The following UGT1A9 variants were observed in gnomAD, a reference collection of about 807,000 sequenced individuals.
UGT1A9 encodes the protein UDP-glucuronosyltransferase 1A9.
Under a neutral mutation model 45.0 loss-of-function variants are expected in UGT1A9, and 35 were observed. The ratio of observed to expected loss-of-function variants is 0.78; its 90% CI spans 0.59 to 1.03. The LOEUF (loss-of-function observed/expected upper bound fraction) is 1.03. Ranked by LOEUF, UGT1A9 falls within the 50% of genes least tolerant of loss-of-function variation. The pLI is 0.00. For synonymous variants in UGT1A9, 278 were observed against 250.6 expected (o/e 1.11, Z -1.03); for missense variants, 687 against 666.6 (o/e 1.03, Z -0.34).
intron 1 of UGT1A9, chr2:233,729,704 A>T (rs759605345): frequency 1.2e-6 from 2 of 1,613,894 alleles, no homozygotes; most frequent in Non-Finnish European, 1.7e-6. Context: ...CCTTCCTCCT[A>T]TATTCCTAGA....
intron 1 of UGT1A9, chr2:233,693,767 T>G: frequency 6.2e-7 from 1 of 1,614,246 alleles, no homozygotes; most frequent in Non-Finnish European, 8.5e-7. Context: ...TGTTTGGCTG[T>G]TAAGATATGA....
intron 1 of UGT1A9, among the ~76,000 whole-genome samples, chr2:233,734,844 A>G (rs1575606786): frequency 6.6e-6 from 1 of 152,286 alleles, no homozygotes; most frequent in Middle Eastern, 3.4e-3. Flanking sequence ...TTCTTAATCC[A>G]GAGTTCTAAT....
intron 1 of UGT1A9, among the ~76,000 whole-genome samples, chr2:233,717,485 C>A (rs1315707595): frequency 6.6e-6 from 1 of 152,214 alleles, no homozygotes; most frequent in Non-Finnish European, 1.5e-5. Context: ...AAGGTGGAAT[C>A]TGTTATCAAT....
chr2:233,772,380 C>T lies in UGT1A9; in HGVS notation c.1414C>T (p.Arg472Cys), dbSNP rs566674185. ...GAGGCACAAGGGCGCGCCACACCTGCGCCCCGCAGCCCACGACCTCACCTG... is the reference window on the plus strand; with the variant it reads ...GAGGCACAAGGGCGCGCCACACCTGTGCCCCGCAGCCCACGACCTCACCTG... ...VMRHKGAPHL[R>C]PAAHDLTWYQ... The change falls in exon 5 of 5, where the codon CGC becomes TGC. Residue 472 changes from arginine to cysteine, a missense_variant. Coordinates refer to ENST00000354728, the MANE Select transcript of UGT1A9 (RefSeq NM_021027.3). 5.6e-6 allele frequency: 9 copies of T among 1,614,144 alleles called. No homozygotes were observed. The highest frequency in any genetic ancestry group is 4.0e-5 in the African/African-American group (3 of 74,944).
Position 233,672,023 on chromosome 2 carries a change from T to C in UGT1A9, c.89T>C (p.Val30Ala). The change falls in exon 1 of 5, where the codon GTA becomes GCA. Residue 30 changes from valine to alanine, a missense_variant. Val to Ala is a moderately conservative substitution (Grantham distance 64). Coordinates refer to ENST00000354728, the MANE Select transcript of UGT1A9 (RefSeq NM_021027.3). ...CGFAEAGKLL[V>A]VPMDGSHWFT... ...TTTGCCGAGGCAGGGAAGCTACTGG[T>C]AGTGCCCATGGATGGGAGCCACTGG... 1.2e-6 allele frequency: 2 copies of C among 1,614,136 alleles called. No individual in the cohort carries two copies. The highest frequency in any genetic ancestry group is 1.1e-5 in the South Asian group (1 of 91,078).
chr2:233,761,556 C>T (rs1005029875), intron 1 of UGT1A9, among the ~76,000 whole-genome samples: 3 of 152,166 alleles, frequency 2.0e-5, no homozygotes, highest in African/African-American at 7.2e-5. Flanking sequence ...GATGATAGAT[C>T]CTGGAAATGA....
At chr2:233,761,893 A>G (rs1304507847) in intron 1 of UGT1A9, among the ~76,000 whole-genome samples, 1 of 152,212 alleles carries the variant, frequency 6.6e-6, no homozygotes, top group African/African-American at 2.4e-5. Context: ...CTTATCCTGC[A>G]AAGATTGGCT....
chr2:233,754,950 C>T lies in UGT1A9; in HGVS notation c.856-12084C>T, dbSNP rs186689116. ...CAAGAGGTCAAAGGAGAATGGGTCC[C>T]GGCCGCCAAAGAACTCCCTGAAGAC... On this transcript the variant is annotated intron_variant, in intron 1 of 4. Transcript: ENST00000354728. The T allele has an allele frequency of 1.7e-3, 2,306 of 1,324,608 alleles. 28 individuals carry two copies. In the African/African-American group the frequency reaches 0.028, roughly 16 times the overall value. The allele number at this position is 1,324,608 out of a possible 1,614,324, so 82.1% of individuals were successfully genotyped here.
At chr2:233,763,140 C>T (rs1698247941) in intron 1 of UGT1A9, among the ~76,000 whole-genome samples, 1 of 152,192 alleles carries the variant, frequency 6.6e-6, no homozygotes, top group African/African-American at 2.4e-5. Context: ...ATTGATATAA[C>T]CATAAAAGTC....
At chr2:233,750,164 A>C (rs1331972474) in intron 1 of UGT1A9, among the ~76,000 whole-genome samples, 1 of 151,848 alleles carries the variant, frequency 6.6e-6, no homozygotes, top group Non-Finnish European at 1.5e-5. Context: ...AATGGTTTTG[A>C]CCAAAATGCT....
chr2:233,692,737 G>A lies in UGT1A9; in HGVS notation c.855+19948G>A. ...AAGTGTTGCTATAACTTTTCAGAGA[G>A]GGAGAAGCAGACTTGTGGAGCTGAA... On this transcript the variant is annotated intron_variant, in intron 1 of 4. Transcript: ENST00000354728. 5 of 991,482 alleles carry A rather than the reference G, an allele frequency of 5.0e-6. No individual in the cohort carries two copies. In the South Asian group the frequency reaches 5.7e-5, roughly 11 times the overall value. 61.4% of individuals were successfully genotyped at this position (991,482 alleles called of 1,614,324 possible).
chr2:233,742,937 T>C (rs1692142343), intron 1 of UGT1A9: 1 of 214,468 alleles, frequency 4.7e-6, no homozygotes, highest in African/African-American at 2.4e-5. Context: ...CATTCTGTCC[T>C]ACCACTAGCA....
At chr2:233,758,073 C>T (rs1352690348) in intron 1 of UGT1A9, among the ~76,000 whole-genome samples, 1 of 152,154 alleles carries the variant, frequency 6.6e-6, no homozygotes, top group East Asian at 1.9e-4. Context: ...CTTTCTGGGC[C>T]TAGTTCCTAG....
At chr2:233,738,057 T>A (rs1690675558) in intron 1 of UGT1A9, among the ~76,000 whole-genome samples, 2 of 152,114 alleles carry the variant, frequency 1.3e-5, no homozygotes, top group Admixed American at 1.3e-4. Flanking sequence ...CAGGACATGG[T>A]GGGAGGTCCC....
At position 233,672,344 on chromosome 2, in the gene UGT1A9, T is replaced by A; in HGVS notation, c.410T>A (p.Leu137Ter). The A allele has an allele frequency of 6.2e-7, 1 of 1,614,184 alleles. No homozygotes were observed. The highest frequency in any genetic ancestry group is 8.5e-7 in the Non-Finnish European group (1 of 1,180,010). The change falls in exon 1 of 5, where the codon TTA (leucine) becomes TAA (stop). Residue 137 changes from leucine to a stop codon, truncating the protein, a stop_gained. Transcript: ENST00000354728. LOFTEE classifies it high-confidence loss of function. ...LFKDKKLVEY[L>*]KESSFDAVFL... ...AAAGACAAAAAATTAGTAGAATACT[T>A]AAAGGAGAGTTCTTTTGATGCAGTG...
chr2:233,725,324 T>TAACAA lies in UGT1A9; in HGVS notation c.856-41710_856-41709insAACAA, dbSNP rs1473131454. Among the ~76,000 whole-genome samples, 2 of 93,548 alleles carry TAACAA rather than the reference T, an allele frequency of 2.1e-5. 1 individual carries two copies. Among genetic ancestry groups the TAACAA allele is most frequent in the Non-Finnish European group, 4.5e-5 (2 of 44,118 alleles). 61.4% of individuals were successfully genotyped at this position (93,548 alleles called of 152,430 possible). A position where few individuals can be genotyped will look rare whatever the true frequency, so the allele number is the denominator to read the frequency against. ...CAGAGGCAGAGGCAGAGGCGCCTGG[T>TAACAA]CAACAATCTTAAGTCCAATAAGAAT... On this transcript the variant is annotated intron_variant, in intron 1 of 4. Coordinates refer to ENST00000354728, the MANE Select transcript of UGT1A9 (RefSeq NM_021027.3).
chr2:233,673,291 A>G (rs1173051207), intron 1 of UGT1A9, among the ~76,000 whole-genome samples: 1 of 152,198 alleles, frequency 6.6e-6, no homozygotes, highest in Admixed American at 6.5e-5. Flanking sequence ...AAATACCTTT[A>G]TAGACCAATA....
intron 1 of UGT1A9, among the ~76,000 whole-genome samples, chr2:233,714,851 A>G (rs938283407): frequency 3.9e-5 from 6 of 152,152 alleles, no homozygotes; most frequent in Non-Finnish European, 5.9e-5. Flanking sequence ...TAAATATTCC[A>G]TGGATAAAAC....
chr2:233,754,486 C>T (rs2125926114), intron 1 of UGT1A9: 1 of 357,902 alleles, frequency 2.8e-6, no homozygotes, highest in East Asian at 7.3e-5. Context: ...CACTTTCAAT[C>T]CTAAAAAAAG....
Sources: allele counts gnomAD v4.1 joint callset (sites outside exome capture counted in the v4.1 genomes callset), GRCh38; gene constraint gnomAD v4.1.1; transcripts MANE v1.5; gene names NCBI Gene and HGNC (gene_info 2026-07-23, HGNC 2026-07-21).